FBXL17: variants seen among roughly 807,000 people sequenced by gnomAD.
FBXL17 encodes the protein F-box/LRR-repeat protein 17.
In FBXL17, 22 loss-of-function variants were observed where a neutral mutation model predicts 66.2. The observed-to-expected ratio is 0.33, with a 90% CI of 0.24 to 0.47. The LOEUF is 0.47. Among genes scored for constraint, FBXL17 ranks in the 20% least tolerant of loss-of-function variants. The pLI, the probability that FBXL17 is intolerant of heterozygous loss-of-function variation, is 1.00. For missense variants in FBXL17, 878 were observed against 948.2 expected (o/e 0.93, Z 0.97); for synonymous variants, 474 against 400.5 (o/e 1.18, Z -2.19).
At chr5:107,869,567 G>C (rs183957852) in intron 8 of FBXL17, among the ~76,000 whole-genome samples, 2 of 152,262 alleles carry the variant, frequency 1.3e-5, no homozygotes, top group East Asian at 3.9e-4. Flanking sequence ...ATTTTTCCAG[G>C]ATCCTGCACA....
intron 7 of FBXL17, among the ~76,000 whole-genome samples, chr5:107,934,167 G>A (rs1053983619): frequency 2.0e-5 from 3 of 151,968 alleles, no homozygotes; most frequent in African/African-American, 7.3e-5. Flanking sequence ...ACAAATCTAG[G>A]CTTTGGGAAA....
intron 7 of FBXL17, among the ~76,000 whole-genome samples, chr5:108,017,576 G>A (rs1442048605): frequency 6.6e-6 from 1 of 152,122 alleles, no homozygotes; most frequent in East Asian, 1.9e-4. Context: ...TTAACAGATG[G>A]CAAAACTAGG....
chr5:108,012,110 T>A (rs1305829141), intron 7 of FBXL17, among the ~76,000 whole-genome samples: 1 of 151,766 alleles, frequency 6.6e-6, no homozygotes, highest in Non-Finnish European at 1.5e-5. Context: ...TGGGGAAATT[T>A]TAGTTTTTGT....
At chr5:108,219,043 T>G (rs1025039477) in intron 5 of FBXL17, among the ~76,000 whole-genome samples, 2 of 152,222 alleles carry the variant, frequency 1.3e-5, no homozygotes, top group African/African-American at 4.8e-5. Flanking sequence ...TTAGACATGA[T>G]TTTCCAAACT....
At chr5:107,987,143 T>C (rs999772713) in intron 7 of FBXL17, among the ~76,000 whole-genome samples, 13 of 152,048 alleles carry the variant, frequency 8.5e-5, no homozygotes, top group Non-Finnish European at 1.9e-4. Context: ...GAATTTAAAG[T>C]ATAATATAGC....
intron 6 of FBXL17, among the ~76,000 whole-genome samples, chr5:108,047,382 T>C (rs1479129011): frequency 6.6e-6 from 1 of 152,176 alleles, no homozygotes; most frequent in East Asian, 1.9e-4. Context: ...ACGCAGATTC[T>C]CAACAGCCTC....
At chr5:108,066,175 G>A (rs1748109805) in intron 6 of FBXL17, among the ~76,000 whole-genome samples, 1 of 152,080 alleles carries the variant, frequency 6.6e-6, no homozygotes, top group African/African-American at 2.4e-5. Flanking sequence ...GAGACATCAT[G>A]ACATTGATTA....
chr5:108,290,875 T>A (rs537373798), intron 4 of FBXL17, among the ~76,000 whole-genome samples: 2 of 152,352 alleles, frequency 1.3e-5, no homozygotes, highest in East Asian at 3.9e-4. Flanking sequence ...GTGATTCAAT[T>A]AATGCTAATG....
At chr5:107,932,297 T>C (rs1750762520) in intron 7 of FBXL17, among the ~76,000 whole-genome samples, 1 of 152,196 alleles carries the variant, frequency 6.6e-6, no homozygotes, top group African/African-American at 2.4e-5. Context: ...TTGGTATAAT[T>C]TATCTTCTTA....
chr5:108,078,988 T>G (rs911406952), intron 6 of FBXL17, among the ~76,000 whole-genome samples: 3 of 152,140 alleles, frequency 2.0e-5, no homozygotes, highest in Admixed American at 6.6e-5. Context: ...CACTACAGCC[T>G]TAATCTTCCA....
intron 4 of FBXL17, among the ~76,000 whole-genome samples, chr5:108,333,474 T>G (rs138902100): frequency 2.0e-5 from 3 of 152,220 alleles, no homozygotes; most frequent in Non-Finnish European, 4.4e-5. Flanking sequence ...AACTCTTACA[T>G]CCAGAGTTTT....
intron 6 of FBXL17, among the ~76,000 whole-genome samples, chr5:108,139,612 A>G (rs1751274992): frequency 6.6e-6 from 1 of 152,168 alleles, no homozygotes; most frequent in Non-Finnish European, 1.5e-5. Flanking sequence ...CTCCTGTCCC[A>G]AGGGCCCTAC....
At chr5:108,345,927 T>C (rs547545501) in intron 4 of FBXL17, among the ~76,000 whole-genome samples, 8 of 152,146 alleles carry the variant, frequency 5.3e-5, no homozygotes, top group Non-Finnish European at 7.4e-5. Flanking sequence ...TTCAGTTTAT[T>C]AAGAGAATTA....
intron 7 of FBXL17, among the ~76,000 whole-genome samples, chr5:108,015,900 T>G (rs899087608): frequency 3.3e-5 from 5 of 151,696 alleles, no homozygotes; most frequent in African/African-American, 1.2e-4. Flanking sequence ...TCCCTGCTAT[T>G]CTTGTCTGGA....
intron 7 of FBXL17, among the ~76,000 whole-genome samples, chr5:107,962,376 G>C (rs548138408): frequency 6.6e-6 from 1 of 152,198 alleles, no homozygotes; most frequent in African/African-American, 2.4e-5. Context: ...TAACATTCTA[G>C]TATATAAATT....
intron 6 of FBXL17, among the ~76,000 whole-genome samples, chr5:108,152,419 G>A (rs1361647845): frequency 6.6e-6 from 1 of 152,112 alleles, no homozygotes; most frequent in East Asian, 1.9e-4. Context: ...TTATTGTAGA[G>A]CTTTTATTAA....
chr5:108,208,237 C>T (rs917358051), intron 5 of FBXL17, among the ~76,000 whole-genome samples: 2 of 152,164 alleles, frequency 1.3e-5, no homozygotes, highest in Admixed American at 1.3e-4. Flanking sequence ...GGATAGATTG[C>T]AAAAATCTTC....
At chr5:108,252,030 C>T (rs559470134) in intron 4 of FBXL17, among the ~76,000 whole-genome samples, 1 of 151,920 alleles carries the variant, frequency 6.6e-6, no homozygotes, top group East Asian at 1.9e-4. Context: ...TGGACAATAA[C>T]CATGATAAGA....
At chr5:108,174,336 T>C (rs1752712957) in intron 6 of FBXL17, among the ~76,000 whole-genome samples, 1 of 152,232 alleles carries the variant, frequency 6.6e-6, no homozygotes, top group Non-Finnish European at 1.5e-5. Context: ...TTTTAAAAAA[T>C]AGTGACTATT....
Sources: gnomAD v4.1 joint callset for allele counts (sites outside exome capture counted in the v4.1 genomes callset) on GRCh38, gnomAD v4.1.1 for gene constraint, MANE v1.5 for transcripts, NCBI Gene and HGNC (gene_info 2026-07-23, HGNC 2026-07-21) for gene names.